The following MYO16 variants were observed in gnomAD, a reference collection of about 807,000 sequenced individuals.
MYO16 encodes the protein unconventional myosin-XVI.
In MYO16, 94 loss-of-function variants were observed where a neutral mutation model predicts 205.3. That is an observed-to-expected ratio of 0.46 (90% CI 0.39 to 0.54). The LOEUF (loss-of-function observed/expected upper bound fraction) is 0.54. Among genes scored for constraint, MYO16 ranks in the 20% least tolerant of loss-of-function variants. The pLI, the probability that MYO16 is intolerant of heterozygous loss-of-function variation, is 0.00. For missense variants in MYO16, 2,315 were observed against 2,387.5 expected (o/e 0.97, Z 0.63); for synonymous variants, 988 against 954.0 (o/e 1.04, Z -0.66).
chr13:108,601,952 C>T (rs925724946), intron 1 of MYO16, among the ~76,000 whole-genome samples: 5 of 151,950 alleles, frequency 3.3e-5, no homozygotes, highest in African/African-American at 1.2e-4. Flanking sequence ...ATATGTTGAA[C>T]CGAAATCCCC....
intron 1 of MYO16, among the ~76,000 whole-genome samples, chr13:108,642,286 C>T (rs894532444): frequency 9.9e-5 from 15 of 152,084 alleles, no homozygotes; most frequent in Admixed American, 7.2e-4. Context: ...CGTGAAAGGA[C>T]GTATTTTTTG....
chr13:108,542,389 A>G, the MYO16 span, among the ~76,000 whole-genome samples: 72 of 152,296 alleles, frequency 4.7e-4, no homozygotes, highest in African/African-American at 1.7e-3. Flanking sequence ...TGCGTGATGA[A>G]ATAATCTGTA....
chr13:108,952,783 A>G (rs1883205557), intron 16 of MYO16, among the ~76,000 whole-genome samples: 1 of 152,202 alleles, frequency 6.6e-6, no homozygotes, highest in Admixed American at 6.5e-5. Flanking sequence ...CAGTGTTCCA[A>G]GTTCCAAAGA....
At position 108,956,150 on chromosome 13, in the gene MYO16, C is replaced by T. The variant is rs531396958; in HGVS notation, c.1926-1538C>T. Among the ~76,000 whole-genome samples the T allele has an allele frequency of 9.9e-5, 15 of 152,238 alleles. No individual in the cohort carries two copies. In the South Asian group the frequency reaches 2.3e-3, roughly 23 times the overall value. ...AATATGTCTAATATCAAATATAAGA[C>T]TTTATCTCTCCAGAAACCTATTCCT... On this transcript the variant is annotated intron_variant, in intron 16 of 34. Transcript: ENST00000457511.
At chr13:108,506,643 T>G in the MYO16 span, among the ~76,000 whole-genome samples, 2 of 152,136 alleles carry the variant, frequency 1.3e-5, no homozygotes, top group Non-Finnish European at 2.9e-5. Flanking sequence ...ATAAGTTTAC[T>G]TCTTCCTTCA....
intron 15 of MYO16, among the ~76,000 whole-genome samples, chr13:108,908,302 G>C (rs534802781): frequency 3.3e-5 from 5 of 152,118 alleles, no homozygotes; most frequent in African/African-American, 9.7e-5. Context: ...TCCCAAAGTT[G>C]TCTCTTTATA....
intron 31 of MYO16, among the ~76,000 whole-genome samples, chr13:109,139,514 G>T (rs1196244633): frequency 6.6e-6 from 1 of 152,150 alleles, no homozygotes; most frequent in Non-Finnish European, 1.5e-5. Context: ...TGACATCCTG[G>T]TGTAGCAGGA....
At chr13:108,749,734 A>G (rs986274754) in intron 4 of MYO16, among the ~76,000 whole-genome samples, 11 of 152,234 alleles carry the variant, frequency 7.2e-5, no homozygotes, top group African/African-American at 2.4e-4. Context: ...TAACAAAGTT[A>G]AATATAGTCT....
intron 14 of MYO16, among the ~76,000 whole-genome samples, chr13:108,897,265 G>C (rs1880468785): frequency 6.6e-6 from 1 of 152,194 alleles, no homozygotes; most frequent in African/African-American, 2.4e-5. Flanking sequence ...CACAGGCAGA[G>C]TCAATTGATG....
chr13:109,153,361 TTA>T (rs1292475569), intron 32 of MYO16, among the ~76,000 whole-genome samples: 1 of 151,446 alleles, frequency 6.6e-6, no homozygotes, highest in Non-Finnish European at 1.5e-5. Context: ...CGTGATCAAA[TTA>T]TGTTTTGGAG....
At chr13:109,194,397 G>A (rs1880058331) in intron 34 of MYO16, among the ~76,000 whole-genome samples, 1 of 152,098 alleles carries the variant, frequency 6.6e-6, no homozygotes, top group African/African-American at 2.4e-5. Context: ...GGCTTGAAAG[G>A]TGACTTTCTG....
chr13:108,564,075 T>C, the MYO16 span, among the ~76,000 whole-genome samples: 1 of 152,212 alleles, frequency 6.6e-6, no homozygotes, highest in African/African-American at 2.4e-5. Context: ...AGTTTTCATT[T>C]ACATCTCTAA....
At chr13:108,778,793 A>G (rs2138902681) in intron 4 of MYO16, among the ~76,000 whole-genome samples, 1 of 152,306 alleles carries the variant, frequency 6.6e-6, no homozygotes, top group Non-Finnish European at 1.5e-5. Context: ...TAAATTTTGT[A>G]TTGAACAGTC....
chr13:108,696,327 C>A (rs74467111), intron 2 of MYO16, among the ~76,000 whole-genome samples: 6,311 of 152,182 alleles, frequency 0.041, 185 homozygotes, highest in South Asian at 0.12. Context: ...AAAATAGAAA[C>A]AACACAAATG....
chr13:108,951,715 A>G (rs1883155974), intron 16 of MYO16, among the ~76,000 whole-genome samples: 1 of 152,226 alleles, frequency 6.6e-6, no homozygotes. Flanking sequence ...GGCGATGTAG[A>G]CAGATTTCTG....
intron 21 of MYO16, among the ~76,000 whole-genome samples, chr13:108,993,950 T>C (rs1411971393): frequency 1.3e-5 from 2 of 152,284 alleles, no homozygotes; most frequent in Non-Finnish European, 2.9e-5. Context: ...AAATTACAGA[T>C]GGAATGATGT....
intron 31 of MYO16, among the ~76,000 whole-genome samples, chr13:109,128,562 T>C (rs1457483582): frequency 6.6e-6 from 1 of 151,528 alleles, no homozygotes; most frequent in Non-Finnish European, 1.5e-5. Flanking sequence ...GGCAGAGGAC[T>C]GAAGCAGTAA....
In MYO16 at chr13:109,060,845, G is replaced by A. The variant is rs189451442; in HGVS notation, c.3335+5250G>A. 1.3e-4 allele frequency among the ~76,000 whole-genome samples: 20 copies of A among 152,260 alleles called. 1 individual carries two copies. The East Asian group carries it at 2.3e-3, about 18-fold the overall frequency. ...TCAGCCTGGCCTTCGAAGCTTTGAA[G>A]CCAGGTATTGTCCCATCTCTAGCTG... is the stretch of plus-strand genomic sequence containing the variant. On this transcript the variant is annotated intron_variant, in intron 27 of 34. Coordinates refer to ENST00000457511, the MANE Select transcript of MYO16 (RefSeq NM_001198950.3).
At chr13:108,987,447 C>T (rs2139428875) in intron 20 of MYO16, among the ~76,000 whole-genome samples, 1 of 152,320 alleles carries the variant, frequency 6.6e-6, no homozygotes, top group African/African-American at 2.4e-5. Context: ...AAGATTTAAG[C>T]AGGGTTCACC....
Sources: gnomAD v4.1 joint callset for allele counts (sites outside exome capture counted in the v4.1 genomes callset) on GRCh38, gnomAD v4.1.1 for gene constraint, MANE v1.5 for transcripts, NCBI Gene and HGNC (gene_info 2026-07-23, HGNC 2026-07-21) for gene names.